CTNNA3: variants seen among roughly 807,000 people sequenced by gnomAD.
The protein encoded by CTNNA3 is catenin alpha 3, also known as catenin alpha-3.
A neutral mutation model predicts 95.7 loss-of-function variants in CTNNA3; 76 were observed. That is an observed-to-expected ratio of 0.79 (90% CI 0.66 to 0.96). The LOEUF is 0.96. CTNNA3 is among the 40% of genes least tolerant of loss of function. The probability of loss-of-function intolerance (pLI) is 0.00; values close to 1 mark genes in which losing one functional copy is unlikely to be tolerated. For missense variants in CTNNA3, 1,191 were observed against 1,089.8 expected (o/e 1.09, Z -1.31); for synonymous variants, 431 against 374.4 (o/e 1.15, Z -1.74).
chr10:66,400,754 T>A (rs2132557878), intron 11 of CTNNA3, among the ~76,000 whole-genome samples: 1 of 152,262 alleles, frequency 6.6e-6, no homozygotes, highest in South Asian at 2.1e-4. Flanking sequence ...GCTATATCTA[T>A]CAATTTTATT....
At chr10:67,452,480 C>T (rs919204406) in intron 5 of CTNNA3, among the ~76,000 whole-genome samples, 2 of 152,096 alleles carry the variant, frequency 1.3e-5, no homozygotes, top group African/African-American at 4.8e-5. Context: ...ATGAATTAAA[C>T]ATTACTCATA....
At chr10:66,291,188 T>C (rs1210217155) in intron 12 of CTNNA3, among the ~76,000 whole-genome samples, 2 of 152,150 alleles carry the variant, frequency 1.3e-5, no homozygotes, top group African/African-American at 4.8e-5. Flanking sequence ...CCTGATTGCA[T>C]TTTCTCATTG....
At chr10:66,894,864 A>G (rs576611155) in intron 7 of CTNNA3, among the ~76,000 whole-genome samples, 2 of 151,934 alleles carry the variant, frequency 1.3e-5, no homozygotes, top group Admixed American at 6.6e-5. Context: ...TTTCCCTTGA[A>G]GCAAGTCTTT....
intron 4 of CTNNA3, among the ~76,000 whole-genome samples, chr10:67,533,958 G>A (rs1264070540): frequency 6.6e-6 from 1 of 151,344 alleles, no homozygotes; most frequent in East Asian, 1.9e-4. Flanking sequence ...TAAGAGTAAG[G>A]CCACTTAAAA....
At chr10:66,767,100 A>G (rs1339176081) in intron 8 of CTNNA3, among the ~76,000 whole-genome samples, 1 of 152,164 alleles carries the variant, frequency 6.6e-6, no homozygotes, top group Non-Finnish European at 1.5e-5. Context: ...CTGAGATTTA[A>G]AACTGCACTG....
intron 10 of CTNNA3, among the ~76,000 whole-genome samples, chr10:66,619,432 A>G (rs1325958301): frequency 8.0e-6 from 1 of 124,936 alleles, no homozygotes; most frequent in Non-Finnish European, 1.8e-5. Flanking sequence ...GAAGCTGGAA[A>G]CCATCATTCT....
intron 11 of CTNNA3, among the ~76,000 whole-genome samples, chr10:66,457,127 C>T (rs557708012): frequency 1.3e-5 from 2 of 151,996 alleles, no homozygotes; most frequent in Non-Finnish European, 2.9e-5. Flanking sequence ...AACAAAAAAA[C>T]CTTTACAACT....
At chr10:66,471,628 A>G (rs1038445406) in intron 11 of CTNNA3, among the ~76,000 whole-genome samples, 2 of 151,888 alleles carry the variant, frequency 1.3e-5, no homozygotes, top group African/African-American at 4.8e-5. Context: ...AACTGAATAC[A>G]TTAAATAATT....
At chr10:67,013,532 A>G (rs1042424904) in intron 7 of CTNNA3, among the ~76,000 whole-genome samples, 2 of 152,198 alleles carry the variant, frequency 1.3e-5, no homozygotes, top group Non-Finnish European at 2.9e-5. Context: ...AACACTTTAT[A>G]CTGAACTATA....
At chr10:66,542,751 G>T (rs990524920) in intron 10 of CTNNA3, among the ~76,000 whole-genome samples, 1 of 136,940 alleles carries the variant, frequency 7.3e-6, no homozygotes, top group East Asian at 2.5e-4. Flanking sequence ...GGTTGGGGGA[G>T]GGGGGAGGGA....
At chr10:66,384,757 C>A (rs1206742486) in intron 11 of CTNNA3, among the ~76,000 whole-genome samples, 1 of 152,138 alleles carries the variant, frequency 6.6e-6, no homozygotes, top group African/African-American at 2.4e-5. Flanking sequence ...GACCACAGTG[C>A]CATCAAATTA....
chr10:67,519,669 G>A (rs556369467), intron 5 of CTNNA3, among the ~76,000 whole-genome samples: 160 of 152,186 alleles, frequency 1.1e-3, no homozygotes, highest in Non-Finnish European at 1.5e-3. Context: ...GACAGACGAG[G>A]CCCTGTCCTT....
intron 1 of CTNNA3, among the ~76,000 whole-genome samples, chr10:67,688,459 A>G (rs1191961727): frequency 2.6e-5 from 4 of 152,176 alleles, no homozygotes; most frequent in Admixed American, 6.5e-5. Context: ...TTCTCCTTCA[A>G]TGAAAAGAAA....
At chr10:66,609,439 G>A (rs1191362832) in intron 10 of CTNNA3, among the ~76,000 whole-genome samples, 1 of 149,700 alleles carries the variant, frequency 6.7e-6, no homozygotes, top group African/African-American at 2.5e-5. Context: ...ATTAAAAAGT[G>A]GGCAAGGTAC....
At position 66,927,761 on chromosome 10, in the gene CTNNA3, G is replaced by T. The variant is rs765796649; in HGVS notation, c.1048-152237C>A. On this transcript the variant is annotated intron_variant, in intron 7 of 17. Transcript: ENST00000433211. This position sits in a 1 kb window ranked among gnomAD's most constrained non-coding sequence, Gnocchi z 4.7. Reference sequence around the variant, plus strand: ...TTCCAGTGTGTCCCGAATCTGCAGCGCCTCAACCTGGATTCCAACAAGCTC... The same window carrying T: ...TTCCAGTGTGTCCCGAATCTGCAGCTCCTCAACCTGGATTCCAACAAGCTC... 34 of 1,614,032 alleles carry T rather than the reference G, an allele frequency of 2.1e-5. No individual in the cohort carries two copies. Among genetic ancestry groups the T allele is most frequent in the Middle Eastern group, 1.6e-4 (1 of 6,084 alleles).
At chr10:67,392,312 T>C (rs1354828364) in intron 5 of CTNNA3, among the ~76,000 whole-genome samples, 1 of 152,178 alleles carries the variant, frequency 6.6e-6, no homozygotes, top group Non-Finnish European at 1.5e-5. Context: ...AAAATGCTCA[T>C]CATCACTGGC....
At chr10:65,948,665 T>C (rs1055808538) in intron 17 of CTNNA3, among the ~76,000 whole-genome samples, 2 of 152,200 alleles carry the variant, frequency 1.3e-5, no homozygotes, top group Non-Finnish European at 2.9e-5. Context: ...CAGGTTTTAT[T>C]GAGGGTCAAT....
At chr10:67,200,336 T>A (rs1863588601) in intron 6 of CTNNA3, among the ~76,000 whole-genome samples, 1 of 152,142 alleles carries the variant, frequency 6.6e-6, no homozygotes, top group Admixed American at 6.6e-5. Context: ...TTCTTACTAT[T>A]GATAAAAAGA....
intron 15 of CTNNA3, among the ~76,000 whole-genome samples, chr10:66,026,353 T>C (rs759087547): frequency 4.6e-5 from 7 of 152,216 alleles, no homozygotes; most frequent in Admixed American, 3.3e-4. Flanking sequence ...AATGTTTTCA[T>C]TGAACTGAGT....
Sources: gnomAD v4.1 joint callset for allele counts (sites outside exome capture counted in the v4.1 genomes callset) on GRCh38, gnomAD v4.1.1 for gene constraint, Gnocchi (gnomAD v3.1) non-coding constraint, MANE v1.5 for transcripts, NCBI Gene and HGNC (gene_info 2026-07-23, HGNC 2026-07-21) for gene names.